Variants in OAS3 observed in about 807,000 individuals in gnomAD.
OAS3 encodes 2'-5'-oligoadenylate synthetase 3, also known as 2'-5'-oligoadenylate synthase 3.
Under a neutral mutation model 113.0 loss-of-function variants are expected in OAS3, and 107 were observed. That is an observed-to-expected ratio of 0.95 (90% confidence interval 0.81 to 1.11). OAS3 has a LOEUF of 1.11. OAS3 is among the 50% of genes most tolerant of loss of function. The pLI is 0.00. For missense variants in OAS3, 1,258 were observed against 1,389.1 expected, an observed-to-expected ratio of 0.91 and a Z score of 1.50; for synonymous variants, 552 against 573.6, an observed-to-expected ratio of 0.96 and a Z score of 0.54.
Position 112,941,699 on chromosome 12 carries a change from G to T in OAS3, c.307G>T (p.Ala103Ser), listed in dbSNP as rs2043681315. Residue 103 changes from alanine to serine, a missense_variant, in exon 2 of 16, where the codon GCA (alanine) becomes TCA (serine). Physicochemically the swap from Ala to Ser is moderately conservative, Grantham distance 99. Transcript: ENST00000228928. ...RRAEILSEMR[A>S]SLESWWQNPV... ...TGCAGAGATCCTCAGTGAGATGCGGGCATCGCTGGAATCCTGGTGGCAGAA... is the reference window on the plus strand; with the variant it reads ...TGCAGAGATCCTCAGTGAGATGCGGTCATCGCTGGAATCCTGGTGGCAGAA... 6.2e-7 allele frequency: 1 copy of T among 1,613,956 alleles called. No individual in the cohort carries two copies. The highest frequency in any genetic ancestry group is 8.5e-7 in the Non-Finnish European group (1 of 1,179,912).
chr12:112,965,691 C>A, intron 11 of OAS3, 53 bp from the exon 12 acceptor site: 2 of 1,539,056 alleles, frequency 1.3e-6, no homozygotes, highest in Non-Finnish European at 8.7e-7. Flanking sequence ...AGTCCAGAAC[C>A]GACAGGCTAA....
Position 112,970,041 on chromosome 12 carries a change from TCAG to T in OAS3, c.*69_*71del. 6.4e-7 allele frequency: 1 copy of T among 1,563,224 alleles called. No homozygotes were observed. Among genetic ancestry groups the T allele is most frequent in the Non-Finnish European group, 8.7e-7 (1 of 1,145,536 alleles). On this transcript the variant is annotated 3_prime_UTR_variant, in exon 16 of 16. Transcript: ENST00000228928. The stretch of plus-strand genomic sequence containing the variant: ...ACACCAGCCCTCAGCATGAGGAAAT[TCAG>T]GGTCCCCTACCAGATGAGAGAGATT...
intron 14 of OAS3, among the ~76,000 whole-genome samples, chr12:112,968,557 A>T (rs1457660331): frequency 1.3e-5 from 2 of 152,178 alleles, no homozygotes; most frequent in Non-Finnish European, 2.9e-5. Flanking sequence ...TTTGTCACCC[A>T]GGCTGGAGTG....
intron 4 of OAS3, among the ~76,000 whole-genome samples, chr12:112,947,631 T>C (rs143195741): frequency 0.011 from 1,650 of 152,282 alleles, 19 homozygotes; most frequent in Non-Finnish European, 0.017. Flanking sequence ...CTTGGACATG[T>C]TTTTTTGGTG....
chr12:112,954,507 A>G lies in OAS3; in HGVS notation c.1657+3532A>G, dbSNP rs925005225. ...CAGACAGGGTTTCACCATGTTAGCC[A>G]GGATGGTCTTGATCTCCCGACCTCG... On this transcript the variant is annotated intron_variant, in intron 7 of 15. Coordinates refer to ENST00000228928, the MANE Select transcript of OAS3 (RefSeq NM_006187.4). The surrounding 1 kb of genome is among the most constrained non-coding windows in gnomAD (Gnocchi z 4.0). 5.3e-5 allele frequency among the ~76,000 whole-genome samples: 8 copies of G among 152,202 alleles called. No individual in the cohort carries two copies. Among genetic ancestry groups the G allele is most frequent in the African/African-American group, 1.9e-4 (8 of 41,444 alleles).
Position 112,963,455 on chromosome 12 carries a change from A to G in OAS3, c.2227A>G (p.Met743Val). The change falls in exon 10 of 16, where the codon ATG becomes GTG. Residue 743 changes from methionine to valine, a missense_variant and splice_region_variant. Coordinates refer to ENST00000228928, the MANE Select transcript of OAS3 (RefSeq NM_006187.4). The surrounding 1 kb of genome is among the most constrained non-coding windows in gnomAD (Gnocchi z 4.6). ...DGTSVQPWDV[M>V]PALLYQTPAG... The stretch of plus-strand genomic sequence containing the variant: ...GACATCTGTGCAGCCCTGGGATGTG[A>G]TGGTAAGATGGAGGGTCCTGGGGGG... The G allele has an allele frequency of 1.3e-6, 2 of 1,539,692 alleles. No individual in the cohort carries two copies. Among genetic ancestry groups the G allele is most frequent in the Non-Finnish European group, 1.8e-6 (2 of 1,139,196 alleles).
At chr12:112,960,155 CTTGGGACCA>C (rs2043869806) in intron 7 of OAS3, among the ~76,000 whole-genome samples, 4 of 152,120 alleles carry the variant, frequency 2.6e-5, no homozygotes, top group African/African-American at 9.7e-5. Flanking sequence ...AAATATTACC[CTTGGGACCA>C]AGTTTTCACT....
At chr12:112,958,274 G>A (rs1262732241) in intron 7 of OAS3, among the ~76,000 whole-genome samples, 1 of 152,218 alleles carries the variant, frequency 6.6e-6, no homozygotes, top group Non-Finnish European at 1.5e-5. Flanking sequence ...CTTTGTGATA[G>A]GTTTGAACAT....
At chr12:112,965,120 G>T (rs562314479) in intron 11 of OAS3, among the ~76,000 whole-genome samples, 1 of 152,314 alleles carries the variant, frequency 6.6e-6, no homozygotes, top group South Asian at 2.1e-4. Context: ...GTCCACAGTT[G>T]GAGAGACAAG....
At position 112,963,573 on chromosome 12, in the gene OAS3, C is replaced by T; in HGVS notation, c.2229+116C>T. ...CTAGGAGTGTTGGTGGCTGACAACT[C>T]ATAGCCACCCCTTCTCTGGAGACTT... On this transcript the variant is annotated intron_variant, in intron 10 of 15. Transcript: ENST00000228928. The surrounding 1 kb of genome is among the most constrained non-coding windows in gnomAD (Gnocchi z 4.6). The T allele has an allele frequency of 9.9e-7, 1 of 1,014,756 alleles. No individual in the cohort carries two copies. The highest frequency in any genetic ancestry group is 1.3e-6 in the Non-Finnish European group (1 of 743,202). The allele number at this position is 1,014,756 out of a possible 1,614,324, so 62.9% of individuals were successfully genotyped here. A position where few individuals can be genotyped will look rare whatever the true frequency, so the allele number is the denominator to read the frequency against.
At chr12:112,947,054 G>T (rs779183387) in intron 4 of OAS3, 73 bp downstream of exon 4, 2 of 1,282,896 alleles carry the variant, frequency 1.6e-6, no homozygotes, top group African/African-American at 1.5e-5. Flanking sequence ...GGACAAAACC[G>T]GTTACATCTA....
chr12:112,939,306 C>CTTTTTTTTTTTTT (rs58792765), intron 1 of OAS3, among the ~76,000 whole-genome samples: 10 of 68,302 alleles, frequency 1.5e-4, no homozygotes, highest in African/African-American at 5.5e-4. Flanking sequence ...TGAGTCACAT[C>CTTTTTTTTTTTTT]TTTTTTTTTT....
chr12:112,939,859 G>C (rs554542650), intron 1 of OAS3, among the ~76,000 whole-genome samples: 2 of 152,168 alleles, frequency 1.3e-5, no homozygotes, highest in African/African-American at 4.8e-5. Flanking sequence ...TGAAAACGCA[G>C]AGTAGAAATG....
At chr12:112,969,395 G>A in intron 14 of OAS3, 1 of 604,320 alleles carries the variant, frequency 1.7e-6, no homozygotes, top group Non-Finnish European at 2.9e-6. Flanking sequence ...TGGTTGATTA[G>A]TAATGTTTGC....
Position 112,947,940 on chromosome 12 carries a change from T to C in OAS3, c.876-6T>C. 1 of 1,582,012 alleles carries C rather than the reference T, an allele frequency of 6.3e-7. No homozygotes were observed. The highest frequency in any genetic ancestry group is 8.6e-7 in the Non-Finnish European group (1 of 1,164,362). ...CCAGAACCTTCTTGTCTCTCTGAAA[T>C]TGCAGGCCTGTGATCCTGGACCCAG... On this transcript the variant is annotated splice_polypyrimidine_tract_variant and splice_region_variant and intron_variant, in intron 4 of 15. Transcript: ENST00000228928.
Position 112,969,801 on chromosome 12 carries a change from G to A in OAS3, c.3252+46G>A, listed in dbSNP as rs371976561. On this transcript the variant is annotated intron_variant, in intron 15 of 15. Transcript: ENST00000228928. ...AAGGAAGTACCCTTTAGGGGTAAGG[G>A]GGGAGCATGGTCAGGGGAGGGACAT... The A allele has an allele frequency of 1.1e-5, 17 of 1,605,696 alleles. No individual in the cohort carries two copies. The African/African-American group carries it at 2.3e-4, about 21-fold the overall frequency.
intron 7 of OAS3, among the ~76,000 whole-genome samples, chr12:112,953,221 A>G (rs1565977968): frequency 1.3e-5 from 2 of 151,794 alleles, no homozygotes; most frequent in East Asian, 3.9e-4. Flanking sequence ...CCCACCTATG[A>G]GTGAGAACAT....
At chr12:112,951,148 C>A (rs544757014) in intron 7 of OAS3, among the ~76,000 whole-genome samples, 173 bp downstream of exon 7, 6 of 152,296 alleles carry the variant, frequency 3.9e-5, no homozygotes, top group African/African-American at 1.4e-4. Flanking sequence ...CTATTTAGTG[C>A]TTTAACTTTA....
intron 6 of OAS3, 136 bp from the exon 7 acceptor site, chr12:112,950,557 C>G (rs1441016730): frequency 9.7e-7 from 1 of 1,026,450 alleles, no homozygotes; most frequent in African/African-American, 1.6e-5. Context: ...TGCAGTCGAC[C>G]TTTGTCATAG....
Sources: gnomAD v4.1 joint callset for allele counts (sites outside exome capture counted in the v4.1 genomes callset) on GRCh38, gnomAD v4.1.1 for gene constraint, Gnocchi (gnomAD v3.1) non-coding constraint, MANE v1.5 for transcripts, NCBI Gene and HGNC (gene_info 2026-07-23, HGNC 2026-07-21) for gene names.